The following CFAP299 variants were observed in gnomAD, a reference collection of about 807,000 sequenced individuals.
The protein encoded by CFAP299 is cilia and flagella associated protein 299.
A neutral mutation model predicts 27.0 loss-of-function variants in CFAP299; 21 were observed. The observed-to-expected ratio is 0.78, with a 90% CI of 0.55 to 1.12. The LOEUF is 1.12. CFAP299 is among the 50% of genes most tolerant of loss of function. The pLI is 0.00. For synonymous variants in CFAP299, 104 were observed against 98.1 expected, an observed-to-expected ratio of 1.06 and a Z score of -0.36; for missense variants, 310 against 276.6, an observed-to-expected ratio of 1.12 and a Z score of -0.86.
chr4:80,864,457 A>T (rs112906344), intron 3 of CFAP299, among the ~76,000 whole-genome samples: 21,260 of 145,542 alleles, frequency 0.15, 1,874 homozygotes, highest in Middle Eastern at 0.29. Flanking sequence ...TACCTATATA[A>T]GTATATATAT....
chr4:80,748,538 A>G (rs1266312862), intron 3 of CFAP299, among the ~76,000 whole-genome samples: 2 of 152,086 alleles, frequency 1.3e-5, no homozygotes, highest in East Asian at 1.9e-4. Context: ...TGCTATTTTT[A>G]TGTTTTTGAC....
At chr4:80,902,206 C>T (rs921876655) in intron 4 of CFAP299, among the ~76,000 whole-genome samples, 3 of 151,290 alleles carry the variant, frequency 2.0e-5, no homozygotes, top group Non-Finnish European at 1.5e-5. Context: ...GAGCCCTTTC[C>T]TTCTCTGGGT....
chr4:80,482,315 A>T (rs1012405354), intron 2 of CFAP299, among the ~76,000 whole-genome samples: 2 of 152,020 alleles, frequency 1.3e-5, no homozygotes, highest in African/African-American at 4.8e-5. Context: ...AAATATTGTC[A>T]CTTTTGTCTA....
chr4:80,829,060 A>G (rs546106298), intron 3 of CFAP299, among the ~76,000 whole-genome samples: 1 of 152,172 alleles, frequency 6.6e-6, no homozygotes, highest in South Asian at 2.1e-4. Context: ...CACAGGTAAA[A>G]AAAGAAAAAA....
intron 1 of CFAP299, among the ~76,000 whole-genome samples, chr4:80,351,689 T>C (rs1723019844): frequency 6.6e-6 from 1 of 151,728 alleles, no homozygotes; most frequent in African/African-American, 2.4e-5. Flanking sequence ...TAGATAAAAG[T>C]TCAAGAGCCA....
chr4:80,844,892 A>G (rs1339950163), intron 3 of CFAP299, among the ~76,000 whole-genome samples: 1 of 152,164 alleles, frequency 6.6e-6, no homozygotes, highest in East Asian at 1.9e-4. Flanking sequence ...TTTTAGGTCT[A>G]ACATGTAAGC....
intron 3 of CFAP299, among the ~76,000 whole-genome samples, chr4:80,740,859 C>T (rs1030766016): frequency 1.7e-4 from 26 of 152,110 alleles, no homozygotes; most frequent in Admixed American, 2.6e-4. Context: ...CAGGCCACCA[C>T]CGATGTTTAC....
chr4:80,407,435 T>C (rs1042358806), intron 2 of CFAP299, among the ~76,000 whole-genome samples: 2 of 152,194 alleles, frequency 1.3e-5, no homozygotes, highest in African/African-American at 4.8e-5. Flanking sequence ...TGGGGCTGCC[T>C]GGTCTGGAAT....
chr4:80,873,062 AC>A (rs772978108), intron 4 of CFAP299: 2 of 912,132 alleles, frequency 2.2e-6, no homozygotes, highest in Non-Finnish European at 2.6e-6. Context: ...TCATAAATAT[AC>A]TGTCTTATAG....
At chr4:80,687,028 T>G (rs971146022) in intron 3 of CFAP299, among the ~76,000 whole-genome samples, 1 of 152,172 alleles carries the variant, frequency 6.6e-6, no homozygotes, top group Non-Finnish European at 1.5e-5. Flanking sequence ...TAGAAAACAT[T>G]TTTGCCTGTT....
intron 2 of CFAP299, among the ~76,000 whole-genome samples, chr4:80,409,811 A>G (rs1366636446): frequency 6.6e-6 from 1 of 152,194 alleles, no homozygotes; most frequent in Non-Finnish European, 1.5e-5. Flanking sequence ...TAGAAAGAGC[A>G]CTATATTTTT....
At chr4:80,370,325 A>G (rs1366020120) in intron 2 of CFAP299, among the ~76,000 whole-genome samples, 1 of 152,156 alleles carries the variant, frequency 6.6e-6, no homozygotes, top group Non-Finnish European at 1.5e-5. Context: ...GAGGACACAG[A>G]TTCAAACCAT....
At chr4:80,544,537 A>G (rs1734142938) in intron 2 of CFAP299, among the ~76,000 whole-genome samples, 1 of 152,202 alleles carries the variant, frequency 6.6e-6, no homozygotes, top group African/African-American at 2.4e-5. Flanking sequence ...TGTCAGGCAA[A>G]TGGAAAACAA....
intron 3 of CFAP299, among the ~76,000 whole-genome samples, chr4:80,832,772 C>T (rs1730366595): frequency 6.6e-6 from 1 of 151,980 alleles, no homozygotes; most frequent in South Asian, 2.1e-4. Flanking sequence ...ATCATGGAAT[C>T]ATTGGTTAAG....
At chr4:80,671,164 G>A (rs1560689359) in intron 3 of CFAP299, among the ~76,000 whole-genome samples, 2 of 152,260 alleles carry the variant, frequency 1.3e-5, no homozygotes, top group African/African-American at 4.8e-5. Flanking sequence ...ATTAATTTTT[G>A]TATAAGGTGT....
At chr4:80,845,057 A>G (rs113316982) in intron 3 of CFAP299, among the ~76,000 whole-genome samples, 5,405 of 152,206 alleles carry the variant, frequency 0.036, 196 homozygotes, top group African/African-American at 0.099. Flanking sequence ...CAAAGATCAG[A>G]TAGTTGTAGA....
chr4:80,802,652 C>T (rs903314322), intron 3 of CFAP299, among the ~76,000 whole-genome samples: 9 of 151,968 alleles, frequency 5.9e-5, no homozygotes, highest in Non-Finnish European at 1.2e-4. Flanking sequence ...TCTCATCCTG[C>T]CTCTTTTTCA....
chr4:80,892,775 T>C (rs1365261955), intron 4 of CFAP299, among the ~76,000 whole-genome samples: 1 of 152,104 alleles, frequency 6.6e-6, no homozygotes, highest in Non-Finnish European at 1.5e-5. Context: ...GCTAATATAT[T>C]CGATGGCGAA....
At chr4:80,692,787 A>G (rs1720814311) in intron 3 of CFAP299, among the ~76,000 whole-genome samples, 1 of 152,240 alleles carries the variant, frequency 6.6e-6, no homozygotes, top group Non-Finnish European at 1.5e-5. Flanking sequence ...AAATTTTCGC[A>G]ACCTACTCAT....
Sources: allele counts gnomAD v4.1 joint callset (sites outside exome capture counted in the v4.1 genomes callset), GRCh38; gene constraint gnomAD v4.1.1; transcripts MANE v1.5; gene names NCBI Gene and HGNC (gene_info 2026-07-23, HGNC 2026-07-21).